MAMLD1: variants seen among roughly 807,000 people sequenced by gnomAD.
MAMLD1 encodes mastermind like domain containing 1, also known as mastermind-like domain-containing protein 1.
A neutral mutation model predicts 45.0 loss-of-function variants in MAMLD1; 14 were observed. The ratio of observed to expected loss-of-function variants is 0.31; its 90% CI spans 0.21 to 0.49. The LOEUF (loss-of-function observed/expected upper bound fraction) is 0.49. Among genes scored for constraint, MAMLD1 ranks in the 20% least tolerant of loss-of-function variants. The pLI, the probability that MAMLD1 is intolerant of heterozygous loss-of-function variation, is 0.99. For synonymous variants in MAMLD1, 254 were observed against 247.8 expected, an observed-to-expected ratio of 1.02 and a Z score of -0.24; for missense variants, 543 against 603.6, an observed-to-expected ratio of 0.90 and a Z score of 1.05.
Position 150,512,499 on chromosome X carries a change from A to G in MAMLD1, c.*540A>G. ...CAAGTGGATAATAGCGTTCAGCAGC[A>G]CTCACCTTCTGGCCAGGCCTGCCTT... On this transcript the variant is annotated 3_prime_UTR_variant, in exon 8 of 8. Coordinates refer to ENST00000370401, the MANE Select transcript of MAMLD1 (RefSeq NM_005491.5). The G allele has an allele frequency of 3.5e-6, 4 of 1,155,734 alleles. No homozygotes were observed. The highest frequency in any genetic ancestry group is 4.6e-6 in the Non-Finnish European group (4 of 872,804).
chrX:150,366,744 G>A (rs926637386), intron 1 of MAMLD1, among the ~76,000 whole-genome samples: 2 of 111,508 alleles, frequency 1.8e-5, no homozygotes, highest in African/African-American at 6.5e-5. Flanking sequence ...CCTGCTCTGG[G>A]GGCCGCCCTG....
intron 1 of MAMLD1, chrX:150,421,120 G>T (rs1345677920): frequency 8.6e-6 from 1 of 116,476 alleles, no homozygotes; most frequent in Non-Finnish European, 1.8e-5. Flanking sequence ...CGAGCCAGGT[G>T]CGGGATATAA....
chrX:150,419,762 T>TG (rs2034418587), intron 1 of MAMLD1, among the ~76,000 whole-genome samples: 1 of 52,562 alleles, frequency 1.9e-5, no homozygotes, highest in African/African-American at 7.2e-5. Context: ...TGTTGAATAT[T>TG]GGCCCCCACT....
intron 1 of MAMLD1, among the ~76,000 whole-genome samples, chrX:150,402,843 G>A (rs782678339): frequency 1.6e-3 from 181 of 110,396 alleles, no homozygotes; most frequent in Non-Finnish European, 1.5e-3. Context: ...AACACCGTAT[G>A]TTCTCACTCA....
intron 2 of MAMLD1, among the ~76,000 whole-genome samples, chrX:150,450,171 C>CA (rs1483938888): frequency 8.9e-6 from 1 of 112,211 alleles, no homozygotes; most frequent in African/African-American, 3.2e-5. Context: ...AGAGTAGAAG[C>CA]AAACTTACTT....
intron 4 of MAMLD1, among the ~76,000 whole-genome samples, chrX:150,471,878 C>T (rs2036441090): frequency 8.9e-6 from 1 of 112,447 alleles, no homozygotes; most frequent in Non-Finnish European, 1.9e-5. Flanking sequence ...AATCTTATCC[C>T]TGCTGGCAGA....
intron 1 of MAMLD1, among the ~76,000 whole-genome samples, chrX:150,401,056 T>C (rs1365744728): frequency 9.0e-6 from 1 of 111,586 alleles, no homozygotes; most frequent in Non-Finnish European, 1.9e-5. Flanking sequence ...CTTGTACCTC[T>C]GGTAGAATTC....
At chrX:150,391,171 T>A (rs1374952229) in intron 1 of MAMLD1, among the ~76,000 whole-genome samples, 1 of 112,119 alleles carries the variant, frequency 8.9e-6, no homozygotes, top group Non-Finnish European at 1.9e-5. Flanking sequence ...TATGTTTAGA[T>A]CCCTCAGATT....
At chrX:150,447,423 G>A (rs1360567991) in intron 2 of MAMLD1, among the ~76,000 whole-genome samples, 1 of 111,926 alleles carries the variant, frequency 8.9e-6, no homozygotes, top group Non-Finnish European at 1.9e-5. Context: ...GCCTCCAAAA[G>A]CAACTCTCTC....
intron 1 of MAMLD1, among the ~76,000 whole-genome samples, chrX:150,435,050 C>T (rs1341891863): frequency 9.0e-6 from 1 of 111,640 alleles, no homozygotes; most frequent in Non-Finnish European, 1.9e-5. Context: ...ATCTAAGTCT[C>T]TTTGGAGGTC....
At chrX:150,496,728 C>T (rs500294) in intron 5 of MAMLD1, among the ~76,000 whole-genome samples, 36,112 of 110,589 alleles carry the variant, frequency 0.33, 4,297 homozygotes, top group East Asian at 0.51. Flanking sequence ...AACCTCATTA[C>T]CCAGCATTGC....
chrX:150,431,242 T>C (rs1427917103), intron 1 of MAMLD1, among the ~76,000 whole-genome samples: 13 of 111,870 alleles, frequency 1.2e-4, no homozygotes, highest in African/African-American at 4.2e-4. Context: ...TCATTGCTAG[T>C]ATACAGGAAT....
rs782393472 is a variant in MAMLD1 at position 150,462,795 on chromosome X, G to C, written c.120G>C (p.Glu40Asp). The change falls in exon 3 of 8, where the codon GAG becomes GAC. Residue 40 changes from glutamate (E) to aspartate (D), a missense_variant. Physicochemically the swap from Glu to Asp is conservative, Grantham distance 45. Transcript: ENST00000370401. ...QESGKKPSWM[E>D]EEDLSFLYKS... is the part of the protein sequence containing the mutation. ...AGGGAAAGAAGCCCTCGTGGATGGA[G>C]GAAGAAGATTTATCTTTTCTCTACA... The C allele has an allele frequency of 1.7e-6, 2 of 1,209,152 alleles. No homozygotes were observed. Among genetic ancestry groups the C allele is most frequent in the Admixed American group, 2.2e-5 (1 of 45,840 alleles).
At chrX:150,403,551 T>G (rs2124523282) in intron 1 of MAMLD1, among the ~76,000 whole-genome samples, 1 of 111,291 alleles carries the variant, frequency 9.0e-6, no homozygotes, top group East Asian at 2.8e-4. Flanking sequence ...TTTGTGGCCC[T>G]AAGGAGGGCA....
chrX:150,426,202 A>C (rs1437358008), intron 1 of MAMLD1, among the ~76,000 whole-genome samples: 5 of 111,886 alleles, frequency 4.5e-5, no homozygotes, highest in African/African-American at 1.6e-4. Flanking sequence ...CTAGCATAAC[A>C]CTAAGATTGT....
intron 3 of MAMLD1, among the ~76,000 whole-genome samples, chrX:150,466,597 C>T (rs2036227281): frequency 8.9e-6 from 1 of 112,376 alleles, no homozygotes; most frequent in South Asian, 3.7e-4. Context: ...ACAGACTTGG[C>T]ATAGCAAAAG....
At chrX:150,413,937 A>T (rs983574311) in intron 1 of MAMLD1, among the ~76,000 whole-genome samples, 2 of 101,551 alleles carry the variant, frequency 2.0e-5, no homozygotes. Context: ...GGCAAACGAC[A>T]TGCTAGGGTG....
intron 5 of MAMLD1, among the ~76,000 whole-genome samples, chrX:150,482,026 AAG>A (rs1491380495): frequency 2.7e-5 from 3 of 109,364 alleles, no homozygotes; most frequent in Non-Finnish European, 5.7e-5. Context: ...GAAAGAAAGA[AAG>A]AAAGAATTGA....
At chrX:150,384,845 T>C (rs2032844521) in intron 1 of MAMLD1, among the ~76,000 whole-genome samples, 1 of 111,975 alleles carries the variant, frequency 8.9e-6, no homozygotes, top group Admixed American at 9.5e-5. Context: ...TCGATATATG[T>C]ATATATTGTG....
Sources: allele counts gnomAD v4.1 joint callset (sites outside exome capture counted in the v4.1 genomes callset), GRCh38; gene constraint gnomAD v4.1.1; transcripts MANE v1.5; gene names NCBI Gene and HGNC (gene_info 2026-07-23, HGNC 2026-07-21).